COL4A1: variants seen among roughly 807,000 people sequenced by gnomAD.
The protein encoded by COL4A1 is collagen alpha-1(IV) chain.
COL4A1 carries 40 observed loss-of-function variants against 216.6 expected under a neutral mutation model. The ratio of observed to expected loss-of-function variants is 0.18; its 90% CI spans 0.14 to 0.24. The LOEUF (loss-of-function observed/expected upper bound fraction) is 0.24. Ranked by LOEUF, COL4A1 falls within the 10% of genes least tolerant of loss-of-function variation. The probability of loss-of-function intolerance (pLI) is 1.00; values close to 1 mark genes in which losing one functional copy is unlikely to be tolerated. For synonymous variants in COL4A1, 839 were observed against 810.7 expected (o/e 1.03, Z -0.59); for missense variants, 1,628 against 2,196.8 (o/e 0.74, Z 5.18).
intron 1 of COL4A1, among the ~76,000 whole-genome samples, chr13:110,302,755 G>A (rs1884545167): frequency 1.3e-5 from 2 of 152,162 alleles, no homozygotes; most frequent in African/African-American, 4.8e-5. Context: ...GCATAAGAAT[G>A]GTAGGAATAT....
At chr13:110,229,064 CA>C (rs1281752520) in intron 2 of COL4A1, among the ~76,000 whole-genome samples, 1 of 151,930 alleles carries the variant, frequency 6.6e-6, no homozygotes, top group Non-Finnish European at 1.5e-5. Context: ...GATGAAGGCA[CA>C]TTGGCTCAAT....
chr13:110,246,788 T>C (rs1172222534), intron 1 of COL4A1, among the ~76,000 whole-genome samples: 1 of 152,224 alleles, frequency 6.6e-6, no homozygotes, highest in Admixed American at 6.5e-5. Flanking sequence ...ACTCATCCTC[T>C]TCCTGGTTTT....
chr13:110,198,608 C>T lies in COL4A1; in HGVS notation c.1144G>A (p.Gly382Ser). The T allele has an allele frequency of 3.7e-6, 6 of 1,614,024 alleles. No homozygotes were observed. Among genetic ancestry groups the T allele is most frequent in the Non-Finnish European group, 5.1e-6 (6 of 1,180,022 alleles). The change falls in exon 21 of 52, where the codon GGT becomes AGT. Residue 382 changes from glycine (G) to serine (S), a missense_variant. Physicochemically the swap from Gly to Ser is moderately conservative, Grantham distance 56. Coordinates refer to ENST00000375820, the MANE Select transcript of COL4A1 (RefSeq NM_001845.6). ...CTTTCACCAGGGAAGCCAGGGGCAC[C>T]AGCCTGCCCAGGTACAGGGAGGCCT... is the stretch of plus-strand genomic sequence containing the variant. ...PPGLPVPGQAGAPGFPGERGE... is the reference protein window; with the variant it reads ...PPGLPVPGQASAPGFPGERGE...
At chr13:110,245,520 C>A (rs940250425) in intron 1 of COL4A1, among the ~76,000 whole-genome samples, 3 of 152,134 alleles carry the variant, frequency 2.0e-5, no homozygotes, top group African/African-American at 7.2e-5. Flanking sequence ...ACTTGTGAGT[C>A]AATTGCTGCT....
At chr13:110,162,811 G>A (rs551672063) in intron 47 of COL4A1, among the ~76,000 whole-genome samples, 11 of 152,198 alleles carry the variant, frequency 7.2e-5, no homozygotes, top group Non-Finnish European at 1.5e-4. Flanking sequence ...ACACGGAATC[G>A]TGGGGCTCCT....
intron 29 of COL4A1, among the ~76,000 whole-genome samples, chr13:110,180,271 C>T (rs145135726): frequency 1.4e-4 from 22 of 152,298 alleles, no homozygotes; most frequent in African/African-American, 4.6e-4. Context: ...TAAGATGATC[C>T]GCAAGTTGCC....
At chr13:110,191,400 G>A in intron 24 of COL4A1, 2 of 352,034 alleles carry the variant, frequency 5.7e-6, no homozygotes, top group East Asian at 4.2e-5. Flanking sequence ...ACCAGTCCAT[G>A]CTCGCAAAGC....
rs1594594296 is a variant in COL4A1, at chr13:110,219,834, A to ATATATG, written c.145-5820_145-5819insCATATA. ...TGTATATATGTATATATATGTATGT[A>ATATATG]TGTATATATGTGTATATATATGTAT... On this transcript the variant is annotated intron_variant, in intron 2 of 51. Coordinates refer to ENST00000375820, the MANE Select transcript of COL4A1 (RefSeq NM_001845.6). Among the ~76,000 whole-genome samples, 9 of 112,764 alleles carry ATATATG rather than the reference A, an allele frequency of 8.0e-5. No individual in the cohort carries two copies. The South Asian group carries it at 1.4e-3, about 17-fold the overall frequency. The allele number at this position is 112,764 out of a possible 152,430, so 74.0% of individuals were successfully genotyped here.
chr13:110,169,588 A>G, intron 43 of COL4A1, 41 bp downstream of exon 43: 1 of 1,612,590 alleles, frequency 6.2e-7, no homozygotes, highest in Non-Finnish European at 8.5e-7. Context: ...TGGCCAGAAA[A>G]GACTCCTTTA....
At chr13:110,205,281 G>A (rs1879439705) in intron 17 of COL4A1, 72 bp downstream of exon 17, 1 of 1,560,022 alleles carries the variant, frequency 6.4e-7, no homozygotes, top group African/African-American at 1.4e-5. Context: ...CTTTATTCTA[G>A]GAAAGAATAA....
At chr13:110,234,798 C>T (rs558945886) in intron 2 of COL4A1, among the ~76,000 whole-genome samples, 1 of 152,124 alleles carries the variant, frequency 6.6e-6, no homozygotes, top group South Asian at 2.1e-4. Context: ...GAGGAAACAT[C>T]TGTTGACATC....
rs2298240 is a variant in COL4A1, at chr13:110,163,326, C to T, written c.4249+137G>A. On this transcript the variant is annotated intron_variant, in intron 47 of 51. Transcript: ENST00000375820. ...GCTCTTCTATTTGATTCTATTTCTT[C>T]TAAGAAACAGACTTCTTCGGAAATC... 7.8e-6 allele frequency: 6 copies of T among 764,360 alleles called. No homozygotes were observed. The Admixed American group carries it at 8.1e-5, about 10-fold the overall frequency. 47.3% of individuals were successfully genotyped at this position (764,360 alleles called of 1,614,324 possible). A position where few individuals can be genotyped will look rare whatever the true frequency, so the allele number is the denominator to read the frequency against.
At chr13:110,238,283 A>T (rs1881413648) in intron 2 of COL4A1, among the ~76,000 whole-genome samples, 2 of 152,214 alleles carry the variant, frequency 1.3e-5, no homozygotes, top group Admixed American at 1.3e-4. Flanking sequence ...CTTAATTGAG[A>T]CTCTGCTCAC....
chr13:110,184,071 A>G (rs1425889125), intron 26 of COL4A1, among the ~76,000 whole-genome samples: 1 of 152,218 alleles, frequency 6.6e-6, no homozygotes, highest in Non-Finnish European at 1.5e-5. Flanking sequence ...TGTTGGTGAC[A>G]CACACCCTGG....
At chr13:110,298,134 T>C (rs751802496) in intron 1 of COL4A1, among the ~76,000 whole-genome samples, 3 of 152,224 alleles carry the variant, frequency 2.0e-5, no homozygotes, top group Non-Finnish European at 2.9e-5. Context: ...GTATGAATTA[T>C]AGAATTTTTT....
At chr13:110,189,601 T>G (rs1476488026) in intron 24 of COL4A1, among the ~76,000 whole-genome samples, 1 of 152,214 alleles carries the variant, frequency 6.6e-6, no homozygotes, top group Non-Finnish European at 1.5e-5. Flanking sequence ...AACAAATTAT[T>G]TCTATGAGCC....
At chr13:110,294,868 G>A (rs985234622) in intron 1 of COL4A1, among the ~76,000 whole-genome samples, 1 of 152,272 alleles carries the variant, frequency 6.6e-6, no homozygotes, top group Admixed American at 6.5e-5. Flanking sequence ...ATAGTGCCTG[G>A]CACATAGTGG....
At chr13:110,304,849 G>A (rs1042413232) in intron 1 of COL4A1, among the ~76,000 whole-genome samples, 1 of 152,212 alleles carries the variant, frequency 6.6e-6, no homozygotes, top group African/African-American at 2.4e-5. Context: ...CAGTGCAAAG[G>A]AGAGGTAAGC....
At chr13:110,230,507 A>C (rs1459586741) in intron 2 of COL4A1, among the ~76,000 whole-genome samples, 1 of 150,404 alleles carries the variant, frequency 6.6e-6, no homozygotes, top group African/African-American at 2.4e-5. Context: ...AAAGGGCAGA[A>C]ATTTTATAAA....
Sources: allele counts gnomAD v4.1 joint callset (sites outside exome capture counted in the v4.1 genomes callset), GRCh38; gene constraint gnomAD v4.1.1; transcripts MANE v1.5; gene names NCBI Gene and HGNC (gene_info 2026-07-23, HGNC 2026-07-21).